The following ALDH7A1 variants were observed in gnomAD, a reference collection of about 807,000 sequenced individuals.
ALDH7A1 encodes aldehyde dehydrogenase 7 family member A1.
Under a neutral mutation model 79.9 loss-of-function variants are expected in ALDH7A1, and 63 were observed. The ratio of observed to expected loss-of-function variants is 0.79; its 90% CI spans 0.64 to 0.97. The LOEUF (loss-of-function observed/expected upper bound fraction) is 0.97, where lower values mean the gene tolerates loss of function less well. ALDH7A1 is among the 50% of genes least tolerant of loss of function. The pLI is 0.00. For missense variants in ALDH7A1, 627 were observed against 665.2 expected, an observed-to-expected ratio of 0.94 and a Z score of 0.63; for synonymous variants, 240 against 231.2, an observed-to-expected ratio of 1.04 and a Z score of -0.34.
At chr5:126,552,944 G>C (rs1417627213) in intron 13 of ALDH7A1, among the ~76,000 whole-genome samples, 1 of 151,122 alleles carries the variant, frequency 6.6e-6, no homozygotes, top group Non-Finnish European at 1.5e-5. Context: ...GTCTCACTAT[G>C]TTGTCCAGGT....
In ALDH7A1 at chr5:126,546,651, T is replaced by TAA. The variant is rs10630162; in HGVS notation, c.1490-254_1490-253dup. On this transcript the variant is annotated intron_variant, in intron 16 of 17. Coordinates refer to ENST00000409134, the MANE Select transcript of ALDH7A1 (RefSeq NM_001182.5). ...AAGAAATGGAAACAGAAAGAAACGGTAAAAAAAAAAAAAAATCCCATTAGC... is the reference window on the plus strand; with the variant it reads ...AAGAAATGGAAACAGAAAGAAACGGTAAAAAAAAAAAAAAAAATCCCATTAGC... Among the ~76,000 whole-genome samples, 61,230 of 142,328 alleles carry TAA rather than the reference T, an allele frequency of 0.43. 13,291 individuals carry two copies. Among genetic ancestry groups the TAA allele is most frequent in the African/African-American group, 0.52 (20,176 of 38,914 alleles). The allele number at this position is 142,328 out of a possible 152,430, so 93.4% of individuals were successfully genotyped here. A position where few individuals can be genotyped will look rare whatever the true frequency, so the allele number is the denominator to read the frequency against.
Position 126,565,820 on chromosome 5 carries a change from G to A in ALDH7A1, c.871+2439C>T, listed in dbSNP as rs1750563353. 2.6e-5 allele frequency among the ~76,000 whole-genome samples: 4 copies of A among 152,186 alleles called. No homozygotes were observed. In the South Asian group the frequency reaches 8.3e-4, roughly 31 times the overall value. On this transcript the variant is annotated intron_variant, in intron 9 of 17. Coordinates refer to ENST00000409134, the MANE Select transcript of ALDH7A1 (RefSeq NM_001182.5). Reference sequence around the variant, plus strand: ...CTCATGTGTATAGATAGCTACTTGTGTCAGTACCATTTGTTAAAAAGACCA... The same window carrying A: ...CTCATGTGTATAGATAGCTACTTGTATCAGTACCATTTGTTAAAAAGACCA...
chr5:126,546,794 C>G (rs1749801673), intron 16 of ALDH7A1, among the ~76,000 whole-genome samples: 1 of 152,122 alleles, frequency 6.6e-6, no homozygotes, highest in African/African-American at 2.4e-5. Flanking sequence ...CTTTATCTCT[C>G]TCAATAACTT....
At chr5:126,577,747 G>A (rs1751027688) in intron 5 of ALDH7A1, among the ~76,000 whole-genome samples, 1 of 151,796 alleles carries the variant, frequency 6.6e-6, no homozygotes, top group Non-Finnish European at 1.5e-5. Context: ...TTTATTTTTA[G>A]TAGAGAAGGA....
intron 2 of ALDH7A1, 24 bp from the exon 3 acceptor site, chr5:126,592,753 G>A: frequency 6.3e-7 from 1 of 1,595,730 alleles, no homozygotes; most frequent in Non-Finnish European, 8.6e-7. Flanking sequence ...TAGGGGGACA[G>A]AAAGGGGGAA....
chr5:126,572,396 A>G (rs1750806195), intron 7 of ALDH7A1, among the ~76,000 whole-genome samples: 1 of 152,092 alleles, frequency 6.6e-6, no homozygotes, highest in Admixed American at 6.6e-5. Flanking sequence ...AGTAGACTGT[A>G]CTCTCTTTAA....
chr5:126,573,494 T>TCGAGAC (rs1438245898), intron 7 of ALDH7A1, among the ~76,000 whole-genome samples: 1 of 151,070 alleles, frequency 6.6e-6, no homozygotes, highest in Admixed American at 6.6e-5. Context: ...GGTCAGGAGA[T>TCGAGAC]CGAGACCATC....
chr5:126,554,267 G>C lies in ALDH7A1; in HGVS notation c.1200+20C>G, dbSNP rs1252781910. The C allele has an allele frequency of 2.5e-6, 4 of 1,603,750 alleles. No homozygotes were observed. The highest frequency in any genetic ancestry group is 3.4e-6 in the Non-Finnish European group (4 of 1,171,402). ...AGAAGGTTAAAAAGCTGTCACAATT[G>C]ATCTCAGAGCATCCCTTACCTTGCC... On this transcript the variant is annotated intron_variant, in intron 13 of 17. Coordinates refer to ENST00000409134, the MANE Select transcript of ALDH7A1 (RefSeq NM_001182.5).
chr5:126,553,688 G>A (rs1247838160), intron 13 of ALDH7A1, among the ~76,000 whole-genome samples: 1 of 152,028 alleles, frequency 6.6e-6, no homozygotes, highest in East Asian at 1.9e-4. Flanking sequence ...TCCAGCCTGG[G>A]CAACAGAGCA....
chr5:126,592,960 C>T (rs898207934), intron 2 of ALDH7A1, among the ~76,000 whole-genome samples: 2 of 152,172 alleles, frequency 1.3e-5, no homozygotes, highest in Admixed American at 1.3e-4. Flanking sequence ...CAAAATCTGT[C>T]AGCTTCATCT....
chr5:126,572,253 T>G (rs1212236952), intron 7 of ALDH7A1, among the ~76,000 whole-genome samples: 1 of 152,192 alleles, frequency 6.6e-6, no homozygotes, highest in Non-Finnish European at 1.5e-5. Flanking sequence ...AAATACCCTT[T>G]ATAGCTGTTT....
intron 4 of ALDH7A1, 73 bp downstream of exon 4, chr5:126,583,859 T>C (rs1751259361): frequency 1.5e-6 from 2 of 1,313,674 alleles, no homozygotes; most frequent in South Asian, 2.4e-5. Flanking sequence ...ACCTCACAAT[T>C]TTATATATAG....
chr5:126,544,712 T>A lies in ALDH7A1; in HGVS notation c.*253A>T, dbSNP rs542748598. 23 of 499,604 alleles carry A rather than the reference T, an allele frequency of 4.6e-5. No homozygotes were observed. The South Asian group carries it at 5.0e-4, about 11-fold the overall frequency. The allele number at this position is 499,604 out of a possible 1,614,324, so 30.9% of individuals were successfully genotyped here. A position where few individuals can be genotyped will look rare whatever the true frequency, so the allele number is the denominator to read the frequency against. On this transcript the variant is annotated 3_prime_UTR_variant, in exon 18 of 18. Transcript: ENST00000409134. ...ATAATCATTAACTTTTAAAAAGCCA[T>A]GTACAACTAGTTGACATAATAAAAA...
intron 3 of ALDH7A1, among the ~76,000 whole-genome samples, chr5:126,589,821 G>A (rs1297624315): frequency 6.7e-6 from 1 of 150,106 alleles, no homozygotes; most frequent in East Asian, 2.1e-4. Flanking sequence ...TGGGAAGTGA[G>A]GAGGACCTCT....
intron 3 of ALDH7A1, among the ~76,000 whole-genome samples, chr5:126,585,534 A>T (rs1295182828): frequency 6.6e-6 from 1 of 152,124 alleles, no homozygotes; most frequent in Non-Finnish European, 1.5e-5. Context: ...CAATCTATTA[A>T]CATTTAAAAC....
In ALDH7A1 at chr5:126,546,539, C is replaced by A; in HGVS notation, c.1490-140G>T. ...TTACATTTAGCCCACAATATCTCCC[C>A]TGCAAACAAATCAAAGACAGAGACC... On this transcript the variant is annotated intron_variant, in intron 16 of 17. Transcript: ENST00000409134. The A allele has an allele frequency of 4.0e-6, 3 of 745,692 alleles. No individual in the cohort carries two copies. In the East Asian group the frequency reaches 8.1e-5, roughly 20 times the overall value. The allele number at this position is 745,692 out of a possible 1,614,324, so 46.2% of individuals were successfully genotyped here. A position where few individuals can be genotyped will look rare whatever the true frequency, so the allele number is the denominator to read the frequency against.
intron 3 of ALDH7A1, among the ~76,000 whole-genome samples, chr5:126,589,962 C>T (rs1295043555): frequency 6.7e-6 from 1 of 148,980 alleles, no homozygotes; most frequent in East Asian, 2.0e-4. Flanking sequence ...CCAGCTGCTG[C>T]CCCATCTGGA....
rs1749655417 is a variant in ALDH7A1, at chr5:126,542,861, C to G, written c.*2104G>C. 1 of 152,234 alleles carries G rather than the reference C, an allele frequency of 6.6e-6. No homozygotes were observed. The highest frequency in any genetic ancestry group is 1.5e-5 in the Non-Finnish European group (1 of 68,054). The allele number at this position is 152,234 out of a possible 1,614,324, so 9.4% of individuals were successfully genotyped here. A position where few individuals can be genotyped will look rare whatever the true frequency, so the allele number is the denominator to read the frequency against. ...CAGCCAGGAGCCAGGTCTTCACCCA[C>G]TTCCCAGGGAGTCACAAGAGCCTGG... On this transcript the variant is annotated 3_prime_UTR_variant, in exon 18 of 18. Transcript: ENST00000409134.
At chr5:126,558,247 TAA>T (rs1268798262) in intron 11 of ALDH7A1, among the ~76,000 whole-genome samples, 1 of 142,336 alleles carries the variant, frequency 7.0e-6, no homozygotes, top group Non-Finnish European at 1.5e-5. Flanking sequence ...TTTAGTACCA[TAA>T]AGTCATGAAA....
Sources: gnomAD v4.1 joint callset for allele counts (sites outside exome capture counted in the v4.1 genomes callset) on GRCh38, gnomAD v4.1.1 for gene constraint, MANE v1.5 for transcripts, NCBI Gene and HGNC (gene_info 2026-07-23, HGNC 2026-07-21) for gene names.